MICU3: variants seen among roughly 807,000 people sequenced by gnomAD.
MICU3 encodes the protein calcium uptake protein 3, mitochondrial.
A neutral mutation model predicts 66.5 loss-of-function variants in MICU3; 62 were observed. The ratio of observed to expected loss-of-function variants is 0.93; its 90% CI spans 0.76 to 1.15. The LOEUF is 1.15. Among genes scored for constraint, MICU3 ranks in the 50% most tolerant of loss-of-function variants. The pLI, the probability that MICU3 is intolerant of heterozygous loss-of-function variation, is 0.00. For synonymous variants in MICU3, 308 were observed against 240.7 expected (o/e 1.28, Z -2.59); for missense variants, 779 against 664.4 (o/e 1.17, Z -1.90).
chr8:17,036,239 G>C (rs1812960191), intron 1 of MICU3, among the ~76,000 whole-genome samples: 1 of 152,104 alleles, frequency 6.6e-6, no homozygotes, highest in African/African-American at 2.4e-5. Flanking sequence ...CATTCCTGCC[G>C]GTGGGCTCGT....
chr8:17,051,204 T>C (rs1008059858), intron 1 of MICU3, among the ~76,000 whole-genome samples: 2 of 151,428 alleles, frequency 1.3e-5, no homozygotes, highest in African/African-American at 4.9e-5. Context: ...CACATAGGTA[T>C]TGGTTTTTTA....
At chr8:17,071,507 C>G (rs566026926) in intron 3 of MICU3, among the ~76,000 whole-genome samples, 1 of 152,170 alleles carries the variant, frequency 6.6e-6, no homozygotes, top group East Asian at 1.9e-4. Flanking sequence ...GAAAGGTCCT[C>G]TCTGCAAAAC....
chr8:17,039,236 G>C (rs535852694), intron 1 of MICU3, among the ~76,000 whole-genome samples: 1 of 152,312 alleles, frequency 6.6e-6, no homozygotes, highest in South Asian at 2.1e-4. Context: ...TATGCACTGG[G>C]AAACCAGAAT....
At position 17,121,349 on chromosome 8, in the gene MICU3, A is replaced by G. The variant is rs1389629448; in HGVS notation, c.*1062A>G. The stretch of plus-strand genomic sequence containing the variant: ...TAATTTAAATATAATTTATTATTTC[A>G]AAAGAATATGTCTTAAAAGGGAAAA... On this transcript the variant is annotated 3_prime_UTR_variant, in exon 15 of 15. Coordinates refer to ENST00000318063, the MANE Select transcript of MICU3 (RefSeq NM_181723.3). 6.6e-6 allele frequency: 1 copy of G among 151,840 alleles called. No homozygotes were observed. The highest frequency in any genetic ancestry group is 1.9e-4 in the East Asian group (1 of 5,198). The allele number at this position is 151,840 out of a possible 1,614,324, so 9.4% of individuals were successfully genotyped here. A position where few individuals can be genotyped will look rare whatever the true frequency, so the allele number is the denominator to read the frequency against.
chr8:17,047,288 G>C (rs1194949686), intron 1 of MICU3, among the ~76,000 whole-genome samples: 1 of 152,164 alleles, frequency 6.6e-6, no homozygotes, highest in Non-Finnish European at 1.5e-5. Flanking sequence ...TAATCTGAAA[G>C]ATAATTTTGA....
intron 1 of MICU3, among the ~76,000 whole-genome samples, chr8:17,036,725 C>T (rs951117588): frequency 1.8e-4 from 28 of 152,232 alleles, no homozygotes; most frequent in Non-Finnish European, 3.4e-4. Flanking sequence ...TCCACGTCCC[C>T]ACCAGACTCA....
At chr8:17,126,612 A>G (rs1030799387), downstream of MICU3, among the ~76,000 whole-genome samples, 2 of 152,188 alleles carry the variant, frequency 1.3e-5, no homozygotes, top group African/African-American at 4.8e-5. Flanking sequence ...TAGCATGGGT[A>G]TGTTTACTTT....
intron 1 of MICU3, among the ~76,000 whole-genome samples, chr8:17,040,203 T>TG (rs1465726710): frequency 6.6e-6 from 1 of 152,210 alleles, no homozygotes; most frequent in Admixed American, 6.5e-5. Flanking sequence ...CCACTGTGCC[T>TG]GGCCCCATTA....
chr8:17,066,185 T>C lies in MICU3; in HGVS notation c.535+1948T>C, dbSNP rs115298355. Among the ~76,000 whole-genome samples, 1,515 of 152,144 alleles carry C rather than the reference T, an allele frequency of 1.0e-2. 33 individuals carry two copies. The highest frequency in any genetic ancestry group is 0.034 in the African/African-American group (1,422 of 41,542). ...TAGTGAGTTAGTATAGATTTAATAC[T>C]AATTTGCTAATAAATATAGAGACCA... is the stretch of plus-strand genomic sequence containing the variant. On this transcript the variant is annotated intron_variant, in intron 2 of 14. Transcript: ENST00000318063.
chr8:17,096,431 T>TTCA (rs1253575341), intron 8 of MICU3, among the ~76,000 whole-genome samples: 1 of 151,888 alleles, frequency 6.6e-6, no homozygotes, highest in Admixed American at 6.6e-5. Flanking sequence ...TGCTCTTAAC[T>TTCA]TCATCGTTCA....
rs1173648300 is a variant in MICU3, at chr8:17,113,711, C to CT, written c.1258-374dup. Among the ~76,000 whole-genome samples the CT allele has an allele frequency of 4.6e-5, 7 of 151,700 alleles. 1 individual carries two copies. The Middle Eastern group carries it at 0.01, about 223-fold the overall frequency. ...ATGTGCAGGGGAAACTTTTTTATGG[C>CT]TTTTTTTTCTGTTTTTTTTCTTTAT... is the stretch of plus-strand genomic sequence containing the variant. On this transcript the variant is annotated intron_variant, in intron 11 of 14. Coordinates refer to ENST00000318063, the MANE Select transcript of MICU3 (RefSeq NM_181723.3).
chr8:17,074,590 C>CGTGT (rs35861279), intron 3 of MICU3, among the ~76,000 whole-genome samples: 6,795 of 141,924 alleles, frequency 0.048, 162 homozygotes, highest in African/African-American at 0.071. Flanking sequence ...GATGTTAAAA[C>CGTGT]GTGTGTGTGT....
rs575156727 is a variant in MICU3, at chr8:17,121,568, A to G, written c.*1281A>G. ...GATAAGTTCATTTATCTTCCTTTCTAAGACATATTTAATGTAGGTTACATA... is the reference window on the plus strand; with the variant it reads ...GATAAGTTCATTTATCTTCCTTTCTGAGACATATTTAATGTAGGTTACATA... On this transcript the variant is annotated 3_prime_UTR_variant, in exon 15 of 15. Coordinates refer to ENST00000318063, the MANE Select transcript of MICU3 (RefSeq NM_181723.3). 4 of 152,362 alleles carry G rather than the reference A, an allele frequency of 2.6e-5. No individual in the cohort carries two copies. The highest frequency in any genetic ancestry group is 9.6e-5 in the African/African-American group (4 of 41,560). The allele number at this position is 152,362 out of a possible 1,614,324, so 9.4% of individuals were successfully genotyped here.
At position 17,027,646 on chromosome 8, in the gene MICU3, G is replaced by C; in HGVS notation, c.367G>C (p.Ala123Pro). Residue 123 changes from alanine (A) to proline (P), a missense_variant, in exon 1 of 15, where the codon GCT becomes CCT. Physicochemically the swap from Ala to Pro is conservative, Grantham distance 27. Transcript: ENST00000318063. ...GGGGATGCTGCCCATCCCAGTGGCG[G>C]CTGCCAAGGAGACGGTGAGTGCGCG... ...GRGMLPIPVA[A>P]AKETVAIGRT... 7.7e-7 allele frequency: 1 copy of C among 1,301,978 alleles called. No individual in the cohort carries two copies. The highest frequency in any genetic ancestry group is 3.1e-5 in the East Asian group (1 of 32,096). The allele number at this position is 1,301,978 out of a possible 1,614,324, so 80.7% of individuals were successfully genotyped here. A position where few individuals can be genotyped will look rare whatever the true frequency, so the allele number is the denominator to read the frequency against.
downstream of MICU3, among the ~76,000 whole-genome samples, chr8:17,124,030 G>GT (rs1803338655): frequency 6.7e-6 from 1 of 148,298 alleles, no homozygotes; most frequent in African/African-American, 2.5e-5. Flanking sequence ...GTTTCTTTTG[G>GT]TATCTACCTT....
intron 1 of MICU3, among the ~76,000 whole-genome samples, chr8:17,041,381 A>G (rs1460674636): frequency 6.6e-6 from 1 of 152,208 alleles, no homozygotes; most frequent in Non-Finnish European, 1.5e-5. Context: ...GTCAACTGAG[A>G]TAGAAATACA....
At chr8:17,117,746 T>TC (rs1802821165) in intron 13 of MICU3, among the ~76,000 whole-genome samples, 2 of 151,910 alleles carry the variant, frequency 1.3e-5, no homozygotes, top group Non-Finnish European at 2.9e-5. Context: ...GTGGCTGGGA[T>TC]TACAGGTGTG....
At chr8:17,101,890 C>G (rs1801286621) in intron 9 of MICU3, among the ~76,000 whole-genome samples, 1 of 151,824 alleles carries the variant, frequency 6.6e-6, no homozygotes, top group Non-Finnish European at 1.5e-5. Flanking sequence ...GACAAAAATA[C>G]ATAATAACAG....
chr8:17,107,819 A>G (rs1455506934), intron 11 of MICU3, among the ~76,000 whole-genome samples: 1 of 152,190 alleles, frequency 6.6e-6, no homozygotes, highest in African/African-American at 2.4e-5. Flanking sequence ...TTGACAATCA[A>G]CTGTGACACT....
Sources: gnomAD v4.1 joint callset for allele counts (sites outside exome capture counted in the v4.1 genomes callset) on GRCh38, gnomAD v4.1.1 for gene constraint, MANE v1.5 for transcripts, NCBI Gene and HGNC (gene_info 2026-07-23, HGNC 2026-07-21) for gene names.